SLC26A11: variants seen among roughly 807,000 people sequenced by gnomAD.
The protein encoded by SLC26A11 is solute carrier family 26 member 11.
In SLC26A11, 58 loss-of-function variants were observed where a neutral mutation model predicts 62.2. The observed-to-expected ratio is 0.93, with a 90% CI of 0.76 to 1.16. The LOEUF (loss-of-function observed/expected upper bound fraction) is 1.16, where lower values mean the gene tolerates loss of function less well. Ranked by LOEUF, SLC26A11 falls within the 50% of genes most tolerant of loss-of-function variation. The probability of loss-of-function intolerance (pLI) is 0.00; values close to 1 mark genes in which losing one functional copy is unlikely to be tolerated. For synonymous variants in SLC26A11, 411 were observed against 368.9 expected (o/e 1.11, Z -1.31); for missense variants, 790 against 794.3 (o/e 0.99, Z 0.06).
rs148952491 is a variant in SLC26A11 at position 80,238,974 on chromosome 17, C to T, written c.985+1380C>T. 4.3e-4 allele frequency among the ~76,000 whole-genome samples: 65 copies of T among 151,868 alleles called. No individual in the cohort carries two copies. In the East Asian group the frequency reaches 0.012, roughly 29 times the overall value. ...CCAGGTAGCTGGGAATACAGGCATGCGCCACCACGCCCAACTAATATTCTA... is the reference window on the plus strand; with the variant it reads ...CCAGGTAGCTGGGAATACAGGCATGTGCCACCACGCCCAACTAATATTCTA... On this transcript the variant is annotated intron_variant, in intron 9 of 17. Transcript: ENST00000361193.
intron 13 of SLC26A11, among the ~76,000 whole-genome samples, chr17:80,247,732 G>T (rs77183492): frequency 6.6e-6 from 1 of 152,194 alleles, no homozygotes; most frequent in Admixed American, 6.5e-5. Flanking sequence ...TGACCTATGC[G>T]TGCGGTGGAA....
At chr17:80,221,432 C>A in intron 2 of SLC26A11, 116 bp from the exon 3 acceptor site, 1 of 717,348 alleles carries the variant, frequency 1.4e-6, no homozygotes, top group South Asian at 1.9e-5. Context: ...GTTCGCCCCC[C>A]TGGGGAGGGG....
chr17:80,233,566 G>A (rs993457784), intron 7 of SLC26A11, among the ~76,000 whole-genome samples: 3 of 146,102 alleles, frequency 2.1e-5, no homozygotes, highest in Non-Finnish European at 4.5e-5. Flanking sequence ...AGGCCTGTTG[G>A]TGATTAACTC....
chr17:80,238,467 G>A (rs571583063), intron 9 of SLC26A11, among the ~76,000 whole-genome samples: 2 of 152,204 alleles, frequency 1.3e-5, no homozygotes, highest in East Asian at 3.9e-4. Context: ...TCAGCCCATC[G>A]GCCAGCCCCT....
At chr17:80,251,007 G>A (rs2043141512) in intron 16 of SLC26A11, among the ~76,000 whole-genome samples, 1 of 151,610 alleles carries the variant, frequency 6.6e-6, no homozygotes, top group African/African-American at 2.4e-5. Flanking sequence ...ACGTGGTGGC[G>A]TGCACCTGTA....
intron 16 of SLC26A11, 96 bp downstream of exon 16, chr17:80,249,383 T>G: frequency 6.7e-7 from 1 of 1,501,806 alleles, no homozygotes; most frequent in South Asian, 1.2e-5. Context: ...TGGGCTGTGA[T>G]GCTGGACGGC....
rs1333244876 is a variant in SLC26A11 at position 80,246,254 on chromosome 17, G to A, written c.1153+45G>A. ...CCTTGTGCCCGCAGCCCTGAGAGTG[G>A]GAGAAAGGGAGGAGGGGGCCCACAG... is the stretch of plus-strand genomic sequence containing the variant. On this transcript the variant is annotated intron_variant, in intron 12 of 17. Transcript: ENST00000361193. The surrounding 1 kb of genome is among the most constrained non-coding windows in gnomAD (Gnocchi z 4.4). 6.3e-6 allele frequency: 10 copies of A among 1,584,216 alleles called. No individual in the cohort carries two copies. Among genetic ancestry groups the A allele is most frequent in the Non-Finnish European group, 7.7e-6 (9 of 1,166,344 alleles).
chr17:80,224,395 ATGAGTG>A (rs931218862), intron 5 of SLC26A11, among the ~76,000 whole-genome samples: 39 of 114,800 alleles, frequency 3.4e-4, no homozygotes, highest in Middle Eastern at 0.012. Context: ...GTGTGAGTGT[ATGAGTG>A]TGAGAGTGAG....
At chr17:80,230,289 C>T (rs773739907) in intron 7 of SLC26A11, among the ~76,000 whole-genome samples, 2 of 151,522 alleles carry the variant, frequency 1.3e-5, no homozygotes, top group Non-Finnish European at 2.9e-5. Flanking sequence ...GATGATCAGG[C>T]AGGTGTGGCC....
At chr17:80,243,328 C>T (rs1177405429) in intron 10 of SLC26A11, among the ~76,000 whole-genome samples, 1 of 152,198 alleles carries the variant, frequency 6.6e-6, no homozygotes, top group Admixed American at 6.5e-5. Context: ...CCACGGCCTC[C>T]TCAAAGACCC....
At chr17:80,224,995 A>T (rs2144879872) in intron 5 of SLC26A11, among the ~76,000 whole-genome samples, 1 of 151,856 alleles carries the variant, frequency 6.6e-6, no homozygotes, top group Middle Eastern at 3.4e-3. Context: ...TGGCCATGGG[A>T]TCCAGGGCCT....
chr17:80,246,376 G>T lies in SLC26A11; in HGVS notation c.1154-133G>T, dbSNP rs1035004795. On this transcript the variant is annotated intron_variant, in intron 12 of 17. Transcript: ENST00000361193. The surrounding 1 kb of genome is among the most constrained non-coding windows in gnomAD (Gnocchi z 4.4). The stretch of plus-strand genomic sequence containing the variant: ...GGGGACCACAGGAGACTGAGCAGGG[G>T]CTGGGGGCCTTGGCAGTCGTCGCCC... 1 of 1,434,640 alleles carries T rather than the reference G, an allele frequency of 7.0e-7. No individual in the cohort carries two copies. Among genetic ancestry groups the T allele is most frequent in the South Asian group, 1.3e-5 (1 of 76,602 alleles). The allele number at this position is 1,434,640 out of a possible 1,614,324, so 88.9% of individuals were successfully genotyped here. A position where few individuals can be genotyped will look rare whatever the true frequency, so the allele number is the denominator to read the frequency against.
chr17:80,222,729 C>T lies in SLC26A11; in HGVS notation c.309C>T (p.Gly103=). ...FLGTSRDVTL[G]PTAIMSLLVS... is the part of the protein sequence containing the mutation. ...GCACCTCCCGGGATGTGACTCTGGGCCCCACCGCCATTATGTCCCTCCTGG... is the reference window on the plus strand; with the variant it reads ...GCACCTCCCGGGATGTGACTCTGGGTCCCACCGCCATTATGTCCCTCCTGG... Residue 103 remains glycine (G), a synonymous_variant, in exon 4 of 18, where the codon GGC becomes GGT. Transcript: ENST00000361193. This position sits in a 1 kb window ranked among gnomAD's most constrained non-coding sequence, Gnocchi z 4.7. 6.2e-7 allele frequency: 1 copy of T among 1,614,162 alleles called. No homozygotes were observed. The highest frequency in any genetic ancestry group is 2.2e-5 in the East Asian group (1 of 44,882).
intron 5 of SLC26A11, among the ~76,000 whole-genome samples, chr17:80,225,375 G>A (rs901941977): frequency 3.3e-5 from 5 of 152,184 alleles, no homozygotes; most frequent in African/African-American, 7.2e-5. Flanking sequence ...CCGCAGCAGC[G>A]GAGCTGGGGG....
chr17:80,241,939 G>A (rs561908800), intron 10 of SLC26A11, 118 bp downstream of exon 10: 2 of 1,154,076 alleles, frequency 1.7e-6, no homozygotes, highest in African/African-American at 1.5e-5. Flanking sequence ...AACTGGGAGG[G>A]CAAAGGTGGC....
chr17:80,241,747 G>C, intron 9 of SLC26A11, 24 bp from the exon 10 acceptor site: 2 of 1,613,218 alleles, frequency 1.2e-6, no homozygotes, highest in Non-Finnish European at 1.7e-6. Flanking sequence ...TACTGACCAG[G>C]TCTTTACCGT....
At position 80,224,794 on chromosome 17, in the gene SLC26A11, T is replaced by C. The variant is rs368813555; in HGVS notation, c.514-1043T>C. Among the ~76,000 whole-genome samples, 44 of 152,194 alleles carry C rather than the reference T, an allele frequency of 2.9e-4. No homozygotes were observed. The East Asian group carries it at 8.1e-3, about 28-fold the overall frequency. Reference sequence around the variant, plus strand: ...GAGAGTGGAGAGTGGAAGGCATCCCTTGTTCATGCCTTCATACTTGGCAAC... The same window carrying C: ...GAGAGTGGAGAGTGGAAGGCATCCCCTGTTCATGCCTTCATACTTGGCAAC... On this transcript the variant is annotated intron_variant, in intron 5 of 17. Coordinates refer to ENST00000361193, the MANE Select transcript of SLC26A11 (RefSeq NM_001166347.2).
At position 80,236,955 on chromosome 17, in the gene SLC26A11, C is replaced by T. The variant is rs2042710575; in HGVS notation, c.764C>T (p.Ala255Val). 3 of 1,613,616 alleles carry T rather than the reference C, an allele frequency of 1.9e-6. No homozygotes were observed. The Admixed American group carries it at 5.0e-5, about 27-fold the overall frequency. Reference sequence around the variant, plus strand: ...CGCAACGCCCTGGTGGTCTCCTTCGCAGCCCTGGTTGCGTACTCCTTCGAG... The same window carrying T: ...CGCAACGCCCTGGTGGTCTCCTTCGTAGCCCTGGTTGCGTACTCCTTCGAG... ...TARNALVVSF[A>V]ALVAYSFEVT... is the part of the protein sequence containing the mutation. The change falls in exon 8 of 18, where the codon GCA (alanine) becomes GTA (valine). Residue 255 changes from alanine to valine, a missense_variant. Coordinates refer to ENST00000361193, the MANE Select transcript of SLC26A11 (RefSeq NM_001166347.2).
chr17:80,249,853 C>T (rs1389631645), intron 16 of SLC26A11, among the ~76,000 whole-genome samples: 3 of 151,502 alleles, frequency 2.0e-5, no homozygotes, highest in African/African-American at 4.9e-5. Flanking sequence ...TGCAGTAAGC[C>T]GAGATCCCAC....
Sources: allele counts gnomAD v4.1 joint callset (sites outside exome capture counted in the v4.1 genomes callset), GRCh38; gene constraint gnomAD v4.1.1; non-coding constraint Gnocchi (gnomAD v3.1); transcripts MANE v1.5; gene names NCBI Gene and HGNC (gene_info 2026-07-23, HGNC 2026-07-21).